Variants in CTNNA3 observed in about 807,000 individuals in gnomAD.
CTNNA3 encodes the protein catenin alpha-3.
CTNNA3 carries 76 observed loss-of-function variants against 95.7 expected under a neutral mutation model. The ratio of observed to expected loss-of-function variants is 0.79; its 90% confidence interval spans 0.66 to 0.96. The LOEUF (loss-of-function observed/expected upper bound fraction) is 0.96, where lower values mean the gene tolerates loss of function less well. CTNNA3 is among the 40% of genes least tolerant of loss of function. CTNNA3 has a pLI of 0.00. For missense variants in CTNNA3, 1,191 were observed against 1,089.8 expected (o/e 1.09, Z -1.31); for synonymous variants, 431 against 374.4 (o/e 1.15, Z -1.74).
In CTNNA3 at chr10:67,576,404, A is replaced by G. The variant is rs547854253; in HGVS notation, c.292+30453T>C. On this transcript the variant is annotated intron_variant, in intron 3 of 17. Transcript: ENST00000433211. ...ATATAATGAGAGGAGGCATTATTGT[A>G]TAGTTGTTAATAGTTTTCCTTACCC... 2.0e-5 allele frequency among the ~76,000 whole-genome samples: 3 copies of G among 152,178 alleles called. No homozygotes were observed. The South Asian group carries it at 6.2e-4, about 32-fold the overall frequency.
intron 5 of CTNNA3, among the ~76,000 whole-genome samples, chr10:67,370,747 G>C (rs956622756): frequency 3.3e-5 from 5 of 152,022 alleles, no homozygotes; most frequent in Non-Finnish European, 7.4e-5. Flanking sequence ...CTCTGTATTT[G>C]TGTGTATATG....
At chr10:67,074,938 G>A (rs190705939) in intron 7 of CTNNA3, among the ~76,000 whole-genome samples, 149 of 152,194 alleles carry the variant, frequency 9.8e-4, no homozygotes, top group Non-Finnish European at 1.5e-3. Flanking sequence ...CTGAAAATGG[G>A]TAGCTCTCTA....
At chr10:66,272,348 C>T (rs2091300197) in intron 13 of CTNNA3, among the ~76,000 whole-genome samples, 1 of 152,114 alleles carries the variant, frequency 6.6e-6, no homozygotes, top group Non-Finnish European at 1.5e-5. Flanking sequence ...AAATGAAAAG[C>T]TATGAAGTCT....
chr10:66,695,389 C>T (rs577730553), intron 9 of CTNNA3, among the ~76,000 whole-genome samples: 1 of 152,278 alleles, frequency 6.6e-6, no homozygotes, highest in East Asian at 1.9e-4. Flanking sequence ...TCCACTGAAA[C>T]TTGGACCTTA....
In CTNNA3 at chr10:66,118,037, A is replaced by T. The variant is rs1312743127; in HGVS notation, c.1885-14788T>A. Among the ~76,000 whole-genome samples, 3 of 152,212 alleles carry T rather than the reference A, an allele frequency of 2.0e-5. No homozygotes were observed. In the East Asian group the frequency reaches 5.8e-4, roughly 29 times the overall value. ...TTTGATTATGTCTGACTGAATTGGC[A>T]TGGACCAACTTTTAGTTAAACATGG... On this transcript the variant is annotated intron_variant, in intron 13 of 17. Coordinates refer to ENST00000433211, the MANE Select transcript of CTNNA3 (RefSeq NM_013266.4).
At chr10:66,606,257 G>A (rs182611919) in intron 10 of CTNNA3, among the ~76,000 whole-genome samples, 35 of 152,142 alleles carry the variant, frequency 2.3e-4, no homozygotes, top group Admixed American at 1.4e-3. Context: ...ACACAGAGGC[G>A]TCCAGATTCA....
Position 66,986,169 on chromosome 10 carries a change from T to A in CTNNA3, c.1047+194148A>T, listed in dbSNP as rs56899400. Among the ~76,000 whole-genome samples the A allele has an allele frequency of 6.3e-3, 954 of 152,314 alleles. 8 individuals are homozygous for A. The highest frequency in any genetic ancestry group is 0.022 in the African/African-American group (912 of 41,572). On this transcript the variant is annotated intron_variant, in intron 7 of 17. Coordinates refer to ENST00000433211, the MANE Select transcript of CTNNA3 (RefSeq NM_013266.4). ...GTCCCAGAGATTAAACCAGTGCCTG[T>A]ATACTTTAGATATAATTACTTGCCA...
chr10:67,039,537 G>A (rs1854268934), intron 7 of CTNNA3, among the ~76,000 whole-genome samples: 1 of 152,058 alleles, frequency 6.6e-6, no homozygotes, highest in East Asian at 1.9e-4. Flanking sequence ...AATTTATTAG[G>A]AGAGTTGTTG....
At chr10:66,176,725 C>A (rs962394904) in intron 13 of CTNNA3, among the ~76,000 whole-genome samples, 5 of 152,058 alleles carry the variant, frequency 3.3e-5, no homozygotes, top group African/African-American at 1.2e-4. Context: ...CATCTATGAA[C>A]CAGAAAGTAG....
At chr10:65,948,280 C>CAAAAAAAAA (rs56966630) in intron 17 of CTNNA3, among the ~76,000 whole-genome samples, 8 of 97,698 alleles carry the variant, frequency 8.2e-5, no homozygotes, top group Non-Finnish European at 1.2e-4. Context: ...GACTCCATCT[C>CAAAAAAAAA]AAAAAAAAAA....
intron 7 of CTNNA3, among the ~76,000 whole-genome samples, chr10:67,042,075 A>G (rs1418128667): frequency 6.6e-6 from 1 of 152,200 alleles, no homozygotes; most frequent in Non-Finnish European, 1.5e-5. Flanking sequence ...CCTATGTGGT[A>G]AATTCAGAAT....
chr10:66,802,694 C>T (rs10997391), intron 7 of CTNNA3, among the ~76,000 whole-genome samples: 4 of 151,266 alleles, frequency 2.6e-5, no homozygotes, highest in Non-Finnish European at 5.9e-5. Context: ...TCATAGCCAT[C>T]TGAATCATAA....
chr10:66,278,203 A>C (rs2091431415), intron 13 of CTNNA3, among the ~76,000 whole-genome samples: 1 of 148,810 alleles, frequency 6.7e-6, no homozygotes, highest in Non-Finnish European at 1.5e-5. Context: ...AAAAAAGGAA[A>C]AGGAAGTCAA....
At chr10:66,035,064 C>T (rs762318577) in intron 15 of CTNNA3, among the ~76,000 whole-genome samples, 4 of 152,110 alleles carry the variant, frequency 2.6e-5, no homozygotes, top group African/African-American at 4.8e-5. Context: ...AATCTCAGTG[C>T]TATTTAATAA....
intron 12 of CTNNA3, among the ~76,000 whole-genome samples, chr10:66,281,545 T>C (rs1270016196): frequency 2.6e-5 from 4 of 151,844 alleles, no homozygotes; most frequent in Non-Finnish European, 5.9e-5. Flanking sequence ...TTTTTGGGAC[T>C]TTACACTTTA....
intron 3 of CTNNA3, among the ~76,000 whole-genome samples, chr10:67,599,135 C>A (rs1048508418): frequency 6.6e-5 from 10 of 152,148 alleles, no homozygotes; most frequent in African/African-American, 2.4e-4. Context: ...ACTAAGAATT[C>A]TCTGTAAGAA....
chr10:66,839,685 A>G (rs754063449), intron 7 of CTNNA3, among the ~76,000 whole-genome samples: 25 of 152,306 alleles, frequency 1.6e-4, no homozygotes, highest in Admixed American at 1.1e-3. Flanking sequence ...TCAATCTCCT[A>G]ATATCCTCAA....
intron 11 of CTNNA3, among the ~76,000 whole-genome samples, chr10:66,473,933 G>T (rs1387590036): frequency 1.3e-5 from 2 of 152,002 alleles, no homozygotes; most frequent in Admixed American, 6.6e-5. Flanking sequence ...CATTTGGGTT[G>T]GTTCCAAGTC....
At chr10:65,979,599 C>G in intron 16 of CTNNA3, among the ~76,000 whole-genome samples, 1 of 152,046 alleles carries the variant, frequency 6.6e-6, no homozygotes, top group Non-Finnish European at 1.5e-5. Context: ...CCTTCCTCTT[C>G]TCCACTTATA....
Sources: gnomAD v4.1 joint callset for allele counts (sites outside exome capture counted in the v4.1 genomes callset) on GRCh38, gnomAD v4.1.1 for gene constraint, MANE v1.5 for transcripts, NCBI Gene and HGNC (gene_info 2026-07-23, HGNC 2026-07-21) for gene names.